The following KLHL2 variants were observed in gnomAD, a reference collection of about 807,000 sequenced individuals.
KLHL2 encodes the protein kelch-like protein 2.
KLHL2 carries 15 observed loss-of-function variants against 75.8 expected under a neutral mutation model. That is an observed-to-expected ratio of 0.20 (90% CI 0.13 to 0.30). The LOEUF (loss-of-function observed/expected upper bound fraction) is 0.30, where lower values mean the gene tolerates loss of function less well. Among genes scored for constraint, KLHL2 ranks in the 10% least tolerant of loss-of-function variants. The probability of loss-of-function intolerance (pLI) is 1.00; values close to 1 mark genes in which losing one functional copy is unlikely to be tolerated. For missense variants in KLHL2, 381 were observed against 741.0 expected (o/e 0.51, Z 5.64); for synonymous variants, 214 against 251.9 (o/e 0.85, Z 1.42).
At chr4:165,313,473 G>A (rs971891026) in intron 12 of KLHL2, 107 bp downstream of exon 12, 10 of 1,004,930 alleles carry the variant, frequency 1.0e-5, no homozygotes, top group Non-Finnish European at 1.4e-5. Flanking sequence ...TATATGATAT[G>A]CTGATTTTAG....
intron 4 of KLHL2, among the ~76,000 whole-genome samples, chr4:165,250,645 G>A (rs1179259601): frequency 6.6e-6 from 1 of 152,166 alleles, no homozygotes; most frequent in Non-Finnish European, 1.5e-5. Context: ...TTGAAATCGT[G>A]TAAAAATATA....
intron 8 of KLHL2, among the ~76,000 whole-genome samples, chr4:165,301,252 G>T (rs1215168976): frequency 6.6e-6 from 1 of 152,100 alleles, no homozygotes; most frequent in Non-Finnish European, 1.5e-5. Context: ...ACATTCTTCT[G>T]CATGGTATTT....
At chr4:165,292,188 T>A (rs1744567779) in intron 5 of KLHL2, among the ~76,000 whole-genome samples, 1 of 152,222 alleles carries the variant, frequency 6.6e-6, no homozygotes, top group African/African-American at 2.4e-5. Flanking sequence ...CATCTTCAAT[T>A]TCATATTTAT....
intron 3 of KLHL2, among the ~76,000 whole-genome samples, chr4:165,237,680 C>CT (rs1739466467): frequency 6.6e-6 from 1 of 152,136 alleles, no homozygotes; most frequent in Non-Finnish European, 1.5e-5. Flanking sequence ...AATCTTGAGG[C>CT]TATGTTATGG....
chr4:165,313,414 ATAGT>A, intron 12 of KLHL2, 48 bp downstream of exon 12: 1 of 1,400,430 alleles, frequency 7.1e-7, no homozygotes. Flanking sequence ...ATGATGGAAA[ATAGT>A]TAAAGTAAAA....
At chr4:165,286,234 TG>T (rs754770421) in intron 5 of KLHL2, among the ~76,000 whole-genome samples, 8 of 152,112 alleles carry the variant, frequency 5.3e-5, no homozygotes, top group Non-Finnish European at 1.2e-4. Context: ...GAGGACTGCT[TG>T]TATGTGGTAC....
chr4:165,279,005 T>C (rs973920772), intron 5 of KLHL2: 1 of 1,504,398 alleles, frequency 6.6e-7, no homozygotes, highest in African/African-American at 1.4e-5. Context: ...TTTATCCCAT[T>C]CCAAAGAATG....
At chr4:165,298,112 C>A (rs1259628823) in intron 7 of KLHL2, among the ~76,000 whole-genome samples, 1 of 152,208 alleles carries the variant, frequency 6.6e-6, no homozygotes, top group East Asian at 1.9e-4. Flanking sequence ...CCTTGTGAGG[C>A]ACCACACCCA....
chr4:165,228,748 A>T, intron 2 of KLHL2, 59 bp from the exon 3 acceptor site: 1 of 986,270 alleles, frequency 1.0e-6, no homozygotes, highest in Non-Finnish European at 1.6e-6. Context: ...TTTGCATAGG[A>T]TGTTCAATAC....
chr4:165,215,346 G>A (rs969459439), intron 1 of KLHL2, among the ~76,000 whole-genome samples: 4 of 152,198 alleles, frequency 2.6e-5, no homozygotes, highest in African/African-American at 7.2e-5. Flanking sequence ...AGTTATGGTT[G>A]ACTCTGTACT....
intron 12 of KLHL2, 84 bp downstream of exon 12, chr4:165,313,450 C>T: frequency 8.0e-7 from 1 of 1,243,172 alleles, no homozygotes. Flanking sequence ...CATCACTTTA[C>T]ATTATCTGAA....
At chr4:165,208,069 G>A (rs1736951201) in intron 1 of KLHL2, among the ~76,000 whole-genome samples, 167 bp downstream of exon 1, 1 of 151,820 alleles carries the variant, frequency 6.6e-6, no homozygotes, top group Admixed American at 6.5e-5. Context: ...GGACGCGGAC[G>A]GAAACTCAGC....
chr4:165,238,988 C>A, intron 4 of KLHL2, 89 bp downstream of exon 4: 10 of 1,478,540 alleles, frequency 6.8e-6, no homozygotes, highest in South Asian at 3.0e-5. Flanking sequence ...ACAATTTGCA[C>A]CAAAATAATA....
chr4:165,246,976 G>A (rs1423912359), intron 4 of KLHL2, among the ~76,000 whole-genome samples: 2 of 152,158 alleles, frequency 1.3e-5, no homozygotes, highest in Non-Finnish European at 2.9e-5. Flanking sequence ...TGGAGTACTG[G>A]TGATGTAGGA....
intron 2 of KLHL2, among the ~76,000 whole-genome samples, chr4:165,226,007 A>G (rs1738403602): frequency 6.6e-6 from 1 of 152,212 alleles, no homozygotes; most frequent in Non-Finnish European, 1.5e-5. Flanking sequence ...ATCAATGAAT[A>G]ATTGTAATTG....
chr4:165,289,289 A>G (rs1001065513), intron 5 of KLHL2, among the ~76,000 whole-genome samples: 3 of 152,204 alleles, frequency 2.0e-5, no homozygotes, highest in Non-Finnish European at 1.5e-5. Flanking sequence ...AATGCTCCAT[A>G]TATGTTAACC....
intron 5 of KLHL2, among the ~76,000 whole-genome samples, chr4:165,269,471 A>C (rs1231642901): frequency 6.6e-6 from 1 of 151,864 alleles, no homozygotes; most frequent in Non-Finnish European, 1.5e-5. Flanking sequence ...TTCCATGTTT[A>C]GTGCTTCCTT....
At chr4:165,264,704 G>GTGTGTATATATATA (rs1323043527) in intron 5 of KLHL2, among the ~76,000 whole-genome samples, 2 of 82,840 alleles carry the variant, frequency 2.4e-5, no homozygotes, top group Non-Finnish European at 4.4e-5. Flanking sequence ...GTGTGTGTGT[G>GTGTGTATATATATA]TATATATATA....
intron 6 of KLHL2, 65 bp from the exon 7 acceptor site, chr4:165,297,543 AT>A (rs1745010212): frequency 1.1e-6 from 1 of 924,984 alleles, no homozygotes; most frequent in Non-Finnish European, 1.8e-6. Flanking sequence ...GTAGTCTCAT[AT>A]TTTATCCAGA....
Sources: allele counts gnomAD v4.1 joint callset (sites outside exome capture counted in the v4.1 genomes callset), GRCh38; gene constraint gnomAD v4.1.1; transcripts MANE v1.5; gene names NCBI Gene and HGNC (gene_info 2026-07-23, HGNC 2026-07-21).